RNF214: variants seen among roughly 807,000 people sequenced by gnomAD.
RNF214 encodes the protein ring finger protein 214.
In RNF214, 25 loss-of-function variants were observed where a neutral mutation model predicts 75.9. That is an observed-to-expected ratio of 0.33 (90% CI 0.24 to 0.46). The LOEUF (loss-of-function observed/expected upper bound fraction) is 0.46. Ranked by LOEUF, RNF214 falls within the 20% of genes least tolerant of loss-of-function variation. RNF214 has a pLI of 1.00. For missense variants in RNF214, 725 were observed against 857.5 expected, an observed-to-expected ratio of 0.85 and a Z score of 1.93; for synonymous variants, 314 against 308.8, an observed-to-expected ratio of 1.02 and a Z score of -0.18.
chr11:117,238,801 G>A lies in RNF214; in HGVS notation c.308G>A (p.Ser103Asn), dbSNP rs1328347512. The change falls in exon 3 of 15, where the codon AGT (serine) becomes AAT (asparagine). Residue 103 changes from serine to asparagine, a missense_variant. By Grantham distance (46) the Ser-to-Asn change is conservative. Coordinates refer to ENST00000300650, the MANE Select transcript of RNF214 (RefSeq NM_207343.4). ...LIATALCLSG[S>N]GSQSDLKDVA... ...GCCACAGCCCTTTGTCTTTCTGGCA[G>A]TGGGTCTCAGTCTGATTTGAAGGAT... is the stretch of plus-strand genomic sequence containing the variant. The A allele has an allele frequency of 6.2e-7, 1 of 1,614,226 alleles. No individual in the cohort carries two copies.
intron 6 of RNF214, among the ~76,000 whole-genome samples, chr11:117,274,118 TTTCTCCCCCCTC>T (rs2033963609): frequency 6.6e-6 from 1 of 152,070 alleles, no homozygotes; most frequent in African/African-American, 2.4e-5. Context: ...TTTATTTTCG[TTTCTCCCCCCTC>T]TTCTTCCCCG....
chr11:117,258,205 A>G (rs966679844), intron 6 of RNF214, among the ~76,000 whole-genome samples: 1 of 151,738 alleles, frequency 6.6e-6, no homozygotes, highest in Non-Finnish European at 1.5e-5. Context: ...AGTAGCAGGG[A>G]CTACAGGTGC....
chr11:117,283,408 T>G (rs1591844651), intron 14 of RNF214, among the ~76,000 whole-genome samples, 198 bp downstream of exon 14: 1 of 152,310 alleles, frequency 6.6e-6, no homozygotes, highest in East Asian at 1.9e-4. Context: ...TTGCCCAGGC[T>G]GGAGTGCAGT....
intron 4 of RNF214, among the ~76,000 whole-genome samples, chr11:117,243,325 T>G (rs1022644226): frequency 6.6e-6 from 1 of 152,106 alleles, no homozygotes; most frequent in Admixed American, 6.5e-5. Flanking sequence ...TTTGTATTTT[T>G]AGTAGAGATG....
At position 117,238,869 on chromosome 11, in the gene RNF214, G is replaced by A; in HGVS notation, c.376G>A (p.Glu126Lys). Residue 126 changes from glutamate to lysine, a missense_variant, in exon 3 of 15, where the codon GAG becomes AAG. This residue lies in a region of RNF214 where 362 missense variants were observed against 344.5 expected (regional missense o/e 1.05). Coordinates refer to ENST00000300650, the MANE Select transcript of RNF214 (RefSeq NM_207343.4). ...AGAGGAGGGGGACACAAGCCTTCGGGAGAGCCTCCATCCAGTCACTCGGTC... is the reference window on the plus strand; with the variant it reads ...AGAGGAGGGGGACACAAGCCTTCGGAAGAGCCTCCATCCAGTCACTCGGTC... Reference protein sequence around the residue: ...AGEEGDTSLRESLHPVTRSLK... With the variant: ...AGEEGDTSLRKSLHPVTRSLK... 6.2e-7 allele frequency: 1 copy of A among 1,614,180 alleles called. No homozygotes were observed. Among genetic ancestry groups the A allele is most frequent in the Non-Finnish European group, 8.5e-7 (1 of 1,180,038 alleles).
rs771637591 is a variant in RNF214, at chr11:117,281,866, CTCG to C, written c.1336-25_1336-23del. 5.9e-5 allele frequency: 95 copies of C among 1,603,208 alleles called. No homozygotes were observed. The East Asian group carries it at 2.1e-3, about 35-fold the overall frequency. The stretch of plus-strand genomic sequence containing the variant: ...AAACTTTCTTTTTCTTCCTTTCTCT[CTCG>C]TCCTCTACCTCTTCTCCTCTGCAGA... On this transcript the variant is annotated intron_variant, in intron 10 of 14. Coordinates refer to ENST00000300650, the MANE Select transcript of RNF214 (RefSeq NM_207343.4).
intron 5 of RNF214, among the ~76,000 whole-genome samples, chr11:117,245,849 C>T (rs1209222207): frequency 6.6e-6 from 1 of 152,146 alleles, no homozygotes; most frequent in Admixed American, 6.5e-5. Context: ...GTATACATGT[C>T]TTTGTGTGAG....
At chr11:117,243,400 C>G (rs893390758) in intron 4 of RNF214, among the ~76,000 whole-genome samples, 1 of 152,240 alleles carries the variant, frequency 6.6e-6, no homozygotes, top group Non-Finnish European at 1.5e-5. Context: ...CCCGCCTCAG[C>G]TTCCCAAAGT....
Position 117,238,863 on chromosome 11 carries a change from C to A in RNF214, c.370C>A (p.Leu124Ile), listed in dbSNP as rs776400901. ...STAGEEGDTS[L>I]RESLHPVTRS... ...AGCAGGAGAGGAGGGGGACACAAGCCTTCGGGAGAGCCTCCATCCAGTCAC... is the reference window on the plus strand; with the variant it reads ...AGCAGGAGAGGAGGGGGACACAAGCATTCGGGAGAGCCTCCATCCAGTCAC... Residue 124 changes from leucine (L) to isoleucine (I), a missense_variant, in exon 3 of 15, where the codon CTT (leucine) becomes ATT (isoleucine). By Grantham distance (5) the Leu-to-Ile change is conservative. Coordinates refer to ENST00000300650, the MANE Select transcript of RNF214 (RefSeq NM_207343.4). The A allele has an allele frequency of 1.1e-5, 17 of 1,614,086 alleles. No homozygotes were observed. Among genetic ancestry groups the A allele is most frequent in the African/African-American group, 1.3e-5 (1 of 74,926 alleles).
At chr11:117,272,764 A>G (rs1167073953) in intron 6 of RNF214, among the ~76,000 whole-genome samples, 1 of 152,182 alleles carries the variant, frequency 6.6e-6, no homozygotes, top group Non-Finnish European at 1.5e-5. Context: ...AAGGGTAGAA[A>G]ATAAGGAATA....
At chr11:117,280,043 A>G (rs777165604) in intron 7 of RNF214, 39 bp downstream of exon 7, 2 of 1,559,900 alleles carry the variant, frequency 1.3e-6, no homozygotes, top group East Asian at 2.2e-5. Flanking sequence ...TCTTAGTTTC[A>G]GGCTTCCAGA....
intron 6 of RNF214, among the ~76,000 whole-genome samples, chr11:117,257,607 C>T (rs954323259): frequency 2.6e-5 from 4 of 151,858 alleles, no homozygotes; most frequent in Admixed American, 1.3e-4. Flanking sequence ...ACGATAGTTA[C>T]AATGGAAGGG....
chr11:117,260,075 TG>T (rs2033620704), intron 6 of RNF214, among the ~76,000 whole-genome samples: 1 of 151,384 alleles, frequency 6.6e-6, no homozygotes, highest in African/African-American at 2.4e-5. Context: ...TCAAATTCTT[TG>T]ATTTTTTTTT....
In RNF214 at chr11:117,244,604, A is replaced by C; in HGVS notation, c.819+19A>C. 1 of 1,580,028 alleles carries C rather than the reference A, an allele frequency of 6.3e-7. No homozygotes were observed. Among genetic ancestry groups the C allele is most frequent in the Non-Finnish European group, 8.6e-7 (1 of 1,163,940 alleles). ...TCACCAGGTATTTTGCTTATATTGA[A>C]ATTGTCAATGAGTTAAGCAACAGTC... is the stretch of plus-strand genomic sequence containing the variant. On this transcript the variant is annotated intron_variant, in intron 5 of 14. Transcript: ENST00000300650.
intron 6 of RNF214, among the ~76,000 whole-genome samples, chr11:117,272,540 C>T (rs905512899): frequency 3.3e-5 from 5 of 151,770 alleles, no homozygotes; most frequent in African/African-American, 9.7e-5. Context: ...ACCACCATGG[C>T]ACATGTATAC....
intron 6 of RNF214, among the ~76,000 whole-genome samples, chr11:117,261,911 G>T (rs1045394515): frequency 6.6e-6 from 1 of 151,832 alleles, no homozygotes; most frequent in Non-Finnish European, 1.5e-5. Flanking sequence ...CTCCCAAAGT[G>T]CTGGGATTAC....
intron 6 of RNF214, among the ~76,000 whole-genome samples, chr11:117,254,786 G>A (rs1482492153): frequency 6.6e-6 from 1 of 151,936 alleles, no homozygotes. Flanking sequence ...ACCATGCCCG[G>A]CTAATTTTTT....
chr11:117,260,485 A>G (rs1407963360), intron 6 of RNF214, among the ~76,000 whole-genome samples: 2 of 152,134 alleles, frequency 1.3e-5, no homozygotes, highest in Non-Finnish European at 2.9e-5. Flanking sequence ...ATACTATTCT[A>G]TTGTGTTGAT....
In RNF214 at chr11:117,266,859, CT is replaced by C. The variant is rs36064361; in HGVS notation, c.960-13036del. ...TTTATTTATTTTCTTTCTTCTTTTTCTTTTTTTTTTTTTGAGACAGAGTCTC... is the reference window on the plus strand; with the variant it reads ...TTTATTTATTTTCTTTCTTCTTTTTCTTTTTTTTTTTTGAGACAGAGTCTC... On this transcript the variant is annotated intron_variant, in intron 6 of 14. Coordinates refer to ENST00000300650, the MANE Select transcript of RNF214 (RefSeq NM_207343.4). 3.6e-4 allele frequency among the ~76,000 whole-genome samples: 47 copies of C among 128,800 alleles called. 1 individual carries two copies. Among genetic ancestry groups the C allele is most frequent in the South Asian group, 1.2e-3 (5 of 4,236 alleles). The allele number at this position is 128,800 out of a possible 152,430, so 84.5% of individuals were successfully genotyped here. A position where few individuals can be genotyped will look rare whatever the true frequency, so the allele number is the denominator to read the frequency against.
Sources: allele counts gnomAD v4.1 joint callset (sites outside exome capture counted in the v4.1 genomes callset), GRCh38; gene constraint gnomAD v4.1.1; regional missense constraint gnomAD v4.1.1; transcripts MANE v1.5; gene names NCBI Gene and HGNC (gene_info 2026-07-23, HGNC 2026-07-21).